Variants in PPARGC1A observed in about 807,000 individuals in gnomAD.
PPARGC1A encodes peroxisome proliferator-activated receptor gamma coactivator 1-alpha.
Under a neutral mutation model 88.7 loss-of-function variants are expected in PPARGC1A, and 25 were observed. The observed-to-expected ratio is 0.28, with a 90% CI of 0.21 to 0.39. The LOEUF (loss-of-function observed/expected upper bound fraction) is 0.39, where lower values mean the gene tolerates loss of function less well. Ranked by LOEUF, PPARGC1A falls within the 10% of genes least tolerant of loss-of-function variation. The probability of loss-of-function intolerance (pLI) is 1.00; values close to 1 mark genes in which losing one functional copy is unlikely to be tolerated. For synonymous variants in PPARGC1A, 363 were observed against 355.6 expected, an observed-to-expected ratio of 1.02 and a Z score of -0.24; for missense variants, 880 against 968.7, an observed-to-expected ratio of 0.91 and a Z score of 1.22.
the PPARGC1A span, among the ~76,000 whole-genome samples, chr4:24,450,254 CATT>C: frequency 1.3e-5 from 2 of 152,206 alleles, no homozygotes; most frequent in Non-Finnish European, 2.9e-5. Context: ...TTTATACCAA[CATT>C]ATCATGATGG....
chr4:23,964,501 GA>G, the PPARGC1A span, among the ~76,000 whole-genome samples: 1 of 152,184 alleles, frequency 6.6e-6, no homozygotes, highest in Admixed American at 6.5e-5. Context: ...TATAGAAAGA[GA>G]AGCATGCTTA....
In PPARGC1A at chr4:23,813,028, G is replaced by A. The variant is rs773200805; in HGVS notation, c.1891C>T (p.Arg631Trp). The A allele has an allele frequency of 1.4e-5, 22 of 1,614,020 alleles. No homozygotes were observed. Among genetic ancestry groups the A allele is most frequent in the Admixed American group, 1.3e-4 (8 of 60,024 alleles). ...AATGACATGCCTCATTACCTGGGCC[G>A]ACGGCTGTAGGGCGATCTTGAACGT... Reference protein sequence around the residue: ...RSRSRSPYSRRPRYDSYEEYQ... With the variant: ...RSRSRSPYSRWPRYDSYEEYQ... The change falls in exon 9 of 13, where the codon CGG becomes TGG. Residue 631 changes from arginine (R) to tryptophan (W), a missense_variant. Physicochemically the swap from Arg to Trp is moderately radical, Grantham distance 101. Transcript: ENST00000264867.
At chr4:23,988,614 G>A in the PPARGC1A span, among the ~76,000 whole-genome samples, 3 of 132,690 alleles carry the variant, frequency 2.3e-5, no homozygotes, top group African/African-American at 8.6e-5. Flanking sequence ...ATTATATAGG[G>A]TATGTTCATG....
chr4:24,064,389 C>A, the PPARGC1A span, among the ~76,000 whole-genome samples: 12 of 152,042 alleles, frequency 7.9e-5, 1 homozygote, highest in South Asian at 1.0e-3. Context: ...GTGTAGGGCT[C>A]AGGAGGCAAT....
chr4:24,127,532 T>C, the PPARGC1A span, among the ~76,000 whole-genome samples: 1 of 152,032 alleles, frequency 6.6e-6, no homozygotes, highest in South Asian at 2.1e-4. Flanking sequence ...ACTTTATATA[T>C]ATATATACAC....
At chr4:24,298,690 A>G in the PPARGC1A span, among the ~76,000 whole-genome samples, 3 of 152,186 alleles carry the variant, frequency 2.0e-5, no homozygotes, top group Non-Finnish European at 4.4e-5. Context: ...ACACTGTCTG[A>G]GCTTAAAATG....
the PPARGC1A span, among the ~76,000 whole-genome samples, chr4:24,371,208 T>C: frequency 1.3e-5 from 2 of 152,192 alleles, no homozygotes; most frequent in Admixed American, 1.3e-4. Flanking sequence ...TGGTTCCAAG[T>C]CTTTGCTATT....
At chr4:23,937,984 G>A in the PPARGC1A span, among the ~76,000 whole-genome samples, 8 of 152,062 alleles carry the variant, frequency 5.3e-5, no homozygotes, top group Non-Finnish European at 8.8e-5. Context: ...AATAATATGC[G>A]TAAACACAGT....
At chr4:23,917,298 T>G in the PPARGC1A span, among the ~76,000 whole-genome samples, 3 of 152,158 alleles carry the variant, frequency 2.0e-5, no homozygotes, top group Non-Finnish European at 4.4e-5. Flanking sequence ...ACAGTTATAT[T>G]ACACCACTGC....
chr4:24,121,242 C>T, the PPARGC1A span, among the ~76,000 whole-genome samples: 9 of 152,164 alleles, frequency 5.9e-5, no homozygotes, highest in Admixed American at 1.3e-4. Flanking sequence ...GCCAGGAAAA[C>T]GCTATGGAGA....
At chr4:24,097,462 A>G in the PPARGC1A span, among the ~76,000 whole-genome samples, 8 of 152,154 alleles carry the variant, frequency 5.3e-5, no homozygotes, top group African/African-American at 1.9e-4. Context: ...ACTTCACCTC[A>G]ATGAAATTTT....
chr4:24,034,388 T>A, the PPARGC1A span, among the ~76,000 whole-genome samples: 1 of 152,178 alleles, frequency 6.6e-6, no homozygotes, highest in Non-Finnish European at 1.5e-5. Context: ...TTAAAACATA[T>A]GACATTTATA....
chr4:24,093,655 A>C, the PPARGC1A span, among the ~76,000 whole-genome samples: 1 of 152,212 alleles, frequency 6.6e-6, no homozygotes, highest in Non-Finnish European at 1.5e-5. Flanking sequence ...TATCAACAGC[A>C]TCCCATAAGG....
chr4:23,975,969 T>A, the PPARGC1A span, among the ~76,000 whole-genome samples: 1 of 152,204 alleles, frequency 6.6e-6, no homozygotes, highest in African/African-American at 2.4e-5. Context: ...TAAATTAACC[T>A]ACTTAAAGCA....
the PPARGC1A span, among the ~76,000 whole-genome samples, chr4:24,145,950 T>C: frequency 6.6e-6 from 1 of 152,166 alleles, no homozygotes; most frequent in Non-Finnish European, 1.5e-5. Context: ...GAGAGGCAGG[T>C]CCCAGGAGTA....
chr4:23,988,472 C>T, the PPARGC1A span, among the ~76,000 whole-genome samples: 1 of 151,860 alleles, frequency 6.6e-6, no homozygotes, highest in Admixed American at 6.6e-5. Context: ...AATACAGATG[C>T]TTTTTAATTG....
chr4:24,232,971 T>G, the PPARGC1A span, among the ~76,000 whole-genome samples: 23 of 152,214 alleles, frequency 1.5e-4, no homozygotes, highest in Non-Finnish European at 2.8e-4. Flanking sequence ...AGGAGATGGA[T>G]GGAGGGAAAT....
At chr4:24,163,369 T>C in the PPARGC1A span, among the ~76,000 whole-genome samples, 1 of 151,968 alleles carries the variant, frequency 6.6e-6, no homozygotes, top group African/African-American at 2.4e-5. Flanking sequence ...TGCAACCTCA[T>C]AGAGCAGTCC....
the PPARGC1A span, among the ~76,000 whole-genome samples, chr4:24,380,109 G>GTT: frequency 2.0e-5 from 3 of 149,036 alleles, no homozygotes; most frequent in African/African-American, 7.4e-5. Context: ...AAAATATATA[G>GTT]TTTTTTTTTT....
Sources: gnomAD v4.1 joint callset for allele counts (sites outside exome capture counted in the v4.1 genomes callset) on GRCh38, gnomAD v4.1.1 for gene constraint, MANE v1.5 for transcripts, NCBI Gene and HGNC (gene_info 2026-07-23, HGNC 2026-07-21) for gene names.